The following ZNF322 variants were observed in gnomAD, a reference collection of about 807,000 sequenced individuals.
ZNF322 encodes zinc finger protein 322.
In ZNF322, 1 loss-of-function variant was observed where a neutral mutation model predicts 18.3. The observed-to-expected ratio is 0.05, with a 90% CI of 0.02 to 0.26. The LOEUF (loss-of-function observed/expected upper bound fraction) is 0.26. Ranked by LOEUF, ZNF322 falls within the 10% of genes least tolerant of loss-of-function variation. The probability of loss-of-function intolerance (pLI) is 1.00; values close to 1 mark genes in which losing one functional copy is unlikely to be tolerated. For synonymous variants in ZNF322, 17 were observed against 130.7 expected (o/e 0.13, Z 5.93); for missense variants, 36 against 403.6 (o/e 0.09, Z 7.80).
At chr6:26,643,065 T>G (rs1302392830) in intron 3 of ZNF322, among the ~76,000 whole-genome samples, 3 of 152,212 alleles carry the variant, frequency 2.0e-5, no homozygotes, top group African/African-American at 7.2e-5. Context: ...AGCCTGTCAC[T>G]GCCTCTCTGA....
chr6:26,647,187 T>G (rs1177018476), intron 2 of ZNF322, among the ~76,000 whole-genome samples: 2 of 151,846 alleles, frequency 1.3e-5, no homozygotes, highest in Non-Finnish European at 2.9e-5. Flanking sequence ...ACAATCCCAG[T>G]GCTTTGGGAG....
chr6:26,651,858 G>A (rs554683292), intron 2 of ZNF322, among the ~76,000 whole-genome samples: 6 of 152,236 alleles, frequency 3.9e-5, no homozygotes, highest in African/African-American at 1.4e-4. Context: ...TTTGGGATGG[G>A]TCTCGCTCTG....
At chr6:26,644,248 G>C (rs1554148537) in intron 2 of ZNF322, among the ~76,000 whole-genome samples, 2 of 152,172 alleles carry the variant, frequency 1.3e-5, no homozygotes, top group Non-Finnish European at 2.9e-5. Context: ...ACAAAAAGAA[G>C]TTAGAGAGTC....
chr6:26,640,169 G>A (rs1209472257), intron 3 of ZNF322, among the ~76,000 whole-genome samples: 11 of 152,042 alleles, frequency 7.2e-5, no homozygotes, highest in South Asian at 2.1e-4. Context: ...GTTCCTCTCC[G>A]CAGTAAAACG....
At position 26,654,916 on chromosome 6, in the gene ZNF322, A is replaced by G. The variant is rs566385356; in HGVS notation, c.-246+3642T>C. Among the ~76,000 whole-genome samples the G allele has an allele frequency of 4.6e-5, 7 of 152,312 alleles. No homozygotes were observed. The East Asian group carries it at 7.7e-4, about 17-fold the overall frequency. On this transcript the variant is annotated intron_variant, in intron 2 of 3. Coordinates refer to ENST00000415922, the MANE Select transcript of ZNF322 (RefSeq NM_024639.5). The stretch of plus-strand genomic sequence containing the variant: ...CCACCTTAACCTAATGGTATCCTCA[A>G]CTAAAGTGAACATGACCAGTAATGA...
chr6:26,645,607 A>C (rs1765543285), intron 2 of ZNF322, among the ~76,000 whole-genome samples: 1 of 152,230 alleles, frequency 6.6e-6, no homozygotes, highest in African/African-American at 2.4e-5. Flanking sequence ...AAAGTACACT[A>C]TTAAACTAAA....
intron 2 of ZNF322, chr6:26,650,579 G>A (rs575019162): frequency 2.6e-5 from 4 of 152,172 alleles, no homozygotes; most frequent in Non-Finnish European, 5.9e-5. Flanking sequence ...ACTAGGAAGT[G>A]ATTACAGTTA....
chr6:26,649,404 G>T (rs1554148953), intron 2 of ZNF322, among the ~76,000 whole-genome samples: 1 of 151,848 alleles, frequency 6.6e-6, no homozygotes, highest in African/African-American at 2.4e-5. Flanking sequence ...AAAACATCAA[G>T]GTAGCCACAT....
At chr6:26,649,637 A>ACG (rs1765617230) in intron 2 of ZNF322, among the ~76,000 whole-genome samples, 2 of 67,606 alleles carry the variant, frequency 3.0e-5, no homozygotes, top group African/African-American at 5.3e-5. Flanking sequence ...ATACATACAT[A>ACG]TGTGTGTGTG....
intron 3 of ZNF322, among the ~76,000 whole-genome samples, chr6:26,642,821 C>T (rs1765488899): frequency 6.6e-6 from 1 of 152,224 alleles, no homozygotes; most frequent in Admixed American, 6.5e-5. Context: ...CCTGCCTCAT[C>T]TCAGTTTATG....
intron 2 of ZNF322, among the ~76,000 whole-genome samples, chr6:26,649,702 T>TATATATA (rs1491481825): frequency 6.6e-4 from 59 of 89,072 alleles, no homozygotes; most frequent in East Asian, 1.5e-3. Context: ...TATATATATA[T>TATATATA]TTTTTTTTTT....
intron 3 of ZNF322, among the ~76,000 whole-genome samples, chr6:26,639,125 G>T (rs1237052364): frequency 6.6e-6 from 1 of 152,144 alleles, no homozygotes; most frequent in Non-Finnish European, 1.5e-5. Flanking sequence ...ATGATCATTA[G>T]AATTCCAAGT....
At chr6:26,657,307 C>T (rs1309456634) in intron 2 of ZNF322, among the ~76,000 whole-genome samples, 1 of 152,040 alleles carries the variant, frequency 6.6e-6, no homozygotes, top group Admixed American at 6.5e-5. Context: ...TTCTAGCACA[C>T]TCAGAATAAA....
chr6:26,655,833 T>A (rs1554149638), intron 2 of ZNF322, among the ~76,000 whole-genome samples: 1 of 152,170 alleles, frequency 6.6e-6, no homozygotes, highest in East Asian at 1.9e-4. Flanking sequence ...CCTTTTGCCA[T>A]GAAATGACAC....
intron 3 of ZNF322, among the ~76,000 whole-genome samples, chr6:26,642,744 T>A (rs1330819923): frequency 6.6e-6 from 1 of 152,190 alleles, no homozygotes; most frequent in Non-Finnish European, 1.5e-5. Context: ...TGTTTTTGCC[T>A]TATAGTCAAA....
At chr6:26,642,639 C>A (rs1404544527) in intron 3 of ZNF322, among the ~76,000 whole-genome samples, 1 of 152,148 alleles carries the variant, frequency 6.6e-6, no homozygotes, top group Admixed American at 6.5e-5. Context: ...ACTCTGTCAC[C>A]GTCATAATCT....
intron 2 of ZNF322, among the ~76,000 whole-genome samples, chr6:26,653,928 G>A (rs1765717610): frequency 6.6e-6 from 1 of 152,020 alleles, no homozygotes. Context: ...AAATGCGCCT[G>A]TGTTTCAAAT....
chr6:26,655,967 A>C (rs577949234), intron 2 of ZNF322, among the ~76,000 whole-genome samples: 4 of 152,242 alleles, frequency 2.6e-5, no homozygotes, highest in Non-Finnish European at 4.4e-5. Context: ...ATAGCAGCCC[A>C]AAACAGACTA....
intron 3 of ZNF322, 94 bp downstream of exon 3, chr6:26,643,565 G>C (rs1330895404): frequency 2.0e-5 from 3 of 152,424 alleles, no homozygotes; most frequent in African/African-American, 7.2e-5. Context: ...CTGATAAAAG[G>C]ACTGAATGTC....
Sources: gnomAD v4.1 joint callset for allele counts (sites outside exome capture counted in the v4.1 genomes callset) on GRCh38, gnomAD v4.1.1 for gene constraint, MANE v1.5 for transcripts, NCBI Gene and HGNC (gene_info 2026-07-23, HGNC 2026-07-21) for gene names.